The following RGS6 variants were observed in gnomAD, a reference collection of about 807,000 sequenced individuals.
RGS6 encodes the protein regulator of G protein signaling 6, also known as regulator of G-protein signaling 6.
A neutral mutation model predicts 78.5 loss-of-function variants in RGS6; 30 were observed. The observed-to-expected ratio is 0.38, with a 90% confidence interval of 0.29 to 0.52. RGS6 has a LOEUF of 0.52. Ranked by LOEUF, RGS6 falls within the 20% of genes least tolerant of loss-of-function variation. The probability of loss-of-function intolerance (pLI) is 0.85; values close to 1 mark genes in which losing one functional copy is unlikely to be tolerated. For missense variants in RGS6, 495 were observed against 609.7 expected (o/e 0.81, Z 1.98); for synonymous variants, 206 against 206.0 (o/e 1.00, Z 0.00).
Position 72,019,566 on chromosome 14 carries a change from G to T in RGS6, c.84+54691G>T, listed in dbSNP as rs76422714. ...AACCCGTTGTTTTCCATGTTGGCAA[G>T]ATATTAGAGAAATATGTCTTACTCT... is the stretch of plus-strand genomic sequence containing the variant. On this transcript the variant is annotated intron_variant, in intron 2 of 17. Transcript: ENST00000553525. Among the ~76,000 whole-genome samples, 844 of 152,246 alleles carry T rather than the reference G, an allele frequency of 5.5e-3. 2 individuals carry two copies. The highest frequency in any genetic ancestry group is 6.8e-3 in the Middle Eastern group (2 of 294).
intron 2 of RGS6, among the ~76,000 whole-genome samples, chr14:71,970,451 C>T (rs1270714717): frequency 6.6e-6 from 1 of 152,094 alleles, no homozygotes; most frequent in African/African-American, 2.4e-5. Context: ...AGGCATACAT[C>T]CAGAAAGTAA....
At chr14:72,471,134 A>G (rs1408263520) in intron 8 of RGS6, among the ~76,000 whole-genome samples, 2 of 151,166 alleles carry the variant, frequency 1.3e-5, no homozygotes, top group Non-Finnish European at 2.9e-5. Context: ...TTCTTCTTTC[A>G]AGTCTACCAA....
upstream of RGS6, among the ~76,000 whole-genome samples, chr14:71,930,512 G>C (rs980241016): frequency 6.6e-6 from 1 of 152,008 alleles, no homozygotes; most frequent in East Asian, 1.9e-4. Flanking sequence ...TACACAAAAT[G>C]TATCAATATG....
chr14:72,235,148 G>A (rs964854979), intron 2 of RGS6, among the ~76,000 whole-genome samples: 4 of 152,182 alleles, frequency 2.6e-5, no homozygotes, highest in Non-Finnish European at 5.9e-5. Flanking sequence ...CATCTGGAAC[G>A]GTAAGTGGCC....
At chr14:71,911,531 C>A in the RGS6 span, among the ~76,000 whole-genome samples, 1 of 152,278 alleles carries the variant, frequency 6.6e-6, no homozygotes, top group South Asian at 2.1e-4. Flanking sequence ...CTACCGTAGG[C>A]TTAGGCAAAT....
intron 2 of RGS6, among the ~76,000 whole-genome samples, chr14:72,196,374 G>A (rs529560048): frequency 6.6e-6 from 1 of 152,310 alleles, no homozygotes; most frequent in East Asian, 1.9e-4. Flanking sequence ...TTAGTTAGCT[G>A]GTAATTAGGC....
At chr14:71,960,231 G>A (rs912733732) in intron 1 of RGS6, among the ~76,000 whole-genome samples, 3 of 152,162 alleles carry the variant, frequency 2.0e-5, no homozygotes, top group Non-Finnish European at 4.4e-5. Flanking sequence ...ATTATGCATA[G>A]AGCATCCCCT....
the RGS6 span, among the ~76,000 whole-genome samples, chr14:72,614,460 C>G: frequency 6.6e-6 from 1 of 152,140 alleles, no homozygotes; most frequent in Non-Finnish European, 1.5e-5. Flanking sequence ...GATGGCCAGT[C>G]CCCCTCTTCC....
At chr14:72,433,303 A>G (rs1022005237) in intron 3 of RGS6, among the ~76,000 whole-genome samples, 3 of 150,258 alleles carry the variant, frequency 2.0e-5, no homozygotes, top group Admixed American at 2.0e-4. Context: ...TCCAGACACA[A>G]GGAGGGGAGC....
chr14:72,068,482 C>T lies in RGS6; in HGVS notation c.84+103607C>T, dbSNP rs184188352. On this transcript the variant is annotated intron_variant, in intron 2 of 17. Transcript: ENST00000553525. ...TTTATTCAATATTTCCTCCGTCTCT[C>T]CCTCCCACTCTTCCTATTTTTTTTT... 7.7e-4 allele frequency among the ~76,000 whole-genome samples: 109 copies of T among 141,396 alleles called. 1 individual carries two copies. Among genetic ancestry groups the T allele is most frequent in the African/African-American group, 2.6e-3 (102 of 38,620 alleles). The allele number at this position is 141,396 out of a possible 152,430, so 92.8% of individuals were successfully genotyped here.
chr14:72,284,879 G>A (rs1004371652), intron 2 of RGS6, among the ~76,000 whole-genome samples: 10 of 152,324 alleles, frequency 6.6e-5, no homozygotes, highest in Admixed American at 2.6e-4. Context: ...CTCTTGCATC[G>A]GCGTGACCTG....
chr14:72,152,103 C>G (rs1330593180), intron 2 of RGS6, among the ~76,000 whole-genome samples: 1 of 152,058 alleles, frequency 6.6e-6, no homozygotes, highest in Non-Finnish European at 1.5e-5. Context: ...AAGTGACTGA[C>G]ACATACAGTT....
At chr14:72,437,092 G>T (rs180682875) in intron 3 of RGS6, among the ~76,000 whole-genome samples, 1,792 of 150,332 alleles carry the variant, frequency 0.012, 25 homozygotes, top group Non-Finnish European at 0.019. Flanking sequence ...AGGCCAAGGT[G>T]GGGGGAATCA....
chr14:72,144,325 C>G (rs2096579146), intron 2 of RGS6, among the ~76,000 whole-genome samples: 1 of 152,154 alleles, frequency 6.6e-6, no homozygotes, highest in Non-Finnish European at 1.5e-5. Context: ...AGCTAAAATT[C>G]TTAGTCCCTA....
chr14:71,989,448 C>T (rs1241198720), intron 2 of RGS6, among the ~76,000 whole-genome samples: 1 of 152,216 alleles, frequency 6.6e-6, no homozygotes, highest in African/African-American at 2.4e-5. Flanking sequence ...GTGATAATAT[C>T]GACTTCCATT....
the RGS6 span, among the ~76,000 whole-genome samples, chr14:71,889,391 G>A: frequency 6.6e-6 from 1 of 152,132 alleles, no homozygotes; most frequent in African/African-American, 2.4e-5. Flanking sequence ...CTTAAATTGT[G>A]AATATTCTTA....
intron 2 of RGS6, among the ~76,000 whole-genome samples, chr14:72,228,107 G>C (rs1041807535): frequency 6.6e-6 from 1 of 152,118 alleles, no homozygotes; most frequent in Non-Finnish European, 1.5e-5. Flanking sequence ...GGCCAGGCAC[G>C]GTGGCTGACA....
intron 2 of RGS6, among the ~76,000 whole-genome samples, chr14:72,199,919 TCACA>T (rs1285873001): frequency 1.3e-5 from 2 of 152,240 alleles, no homozygotes; most frequent in Non-Finnish European, 2.9e-5. Flanking sequence ...GTGGCTGCTT[TCACA>T]CTATAAATCC....
chr14:72,365,134 G>T (rs928098577), intron 3 of RGS6, among the ~76,000 whole-genome samples: 2 of 152,146 alleles, frequency 1.3e-5, no homozygotes, highest in Non-Finnish European at 2.9e-5. Flanking sequence ...CCTTTGTAGT[G>T]GATCAAATGA....
Sources: allele counts gnomAD v4.1 joint callset (sites outside exome capture counted in the v4.1 genomes callset), GRCh38; gene constraint gnomAD v4.1.1; transcripts MANE v1.5; gene names NCBI Gene and HGNC (gene_info 2026-07-23, HGNC 2026-07-21).